The following TMEM132B variants were observed in gnomAD, a reference collection of about 807,000 sequenced individuals.
TMEM132B encodes transmembrane protein 132B.
TMEM132B carries 18 observed loss-of-function variants against 90.8 expected under a neutral mutation model. That is an observed-to-expected ratio of 0.20 (90% CI 0.14 to 0.29). The LOEUF is 0.29. TMEM132B is among the 10% of genes least tolerant of loss of function. The pLI, the probability that TMEM132B is intolerant of heterozygous loss-of-function variation, is 1.00. For missense variants in TMEM132B, 1,096 were observed against 1,326.8 expected (o/e 0.83, Z 2.70); for synonymous variants, 504 against 523.3 (o/e 0.96, Z 0.50).
At chr12:125,270,112 T>TGTGTGTG (rs1555235074) in intron 1 of TMEM132B, among the ~76,000 whole-genome samples, 7 of 143,250 alleles carry the variant, frequency 4.9e-5, no homozygotes, top group Admixed American at 2.8e-4. Context: ...CACATCTTTG[T>TGTGTGTG]TGTGTGTGTG....
At chr12:125,306,021 G>C (rs1307251871) in intron 1 of TMEM132B, among the ~76,000 whole-genome samples, 1 of 152,212 alleles carries the variant, frequency 6.6e-6, no homozygotes, top group Non-Finnish European at 1.5e-5. Flanking sequence ...TCATTTCTTA[G>C]AGTCTTGTGC....
At chr12:125,603,837 A>G (rs1885624847) in intron 5 of TMEM132B, among the ~76,000 whole-genome samples, 1 of 152,236 alleles carries the variant, frequency 6.6e-6, no homozygotes, top group Admixed American at 6.5e-5. Context: ...CAACAAATAT[A>G]TGAAGAAAAG....
chr12:125,491,118 G>A (rs1009281464), intron 3 of TMEM132B, among the ~76,000 whole-genome samples: 2 of 151,986 alleles, frequency 1.3e-5, no homozygotes, highest in Non-Finnish European at 2.9e-5. Context: ...AGAACCTCTC[G>A]GTTAAGCTGC....
In TMEM132B at chr12:125,633,838, C is replaced by T. The variant is rs115325402; in HGVS notation, c.1438-10238C>T. Among the ~76,000 whole-genome samples the T allele has an allele frequency of 3.2e-3, 485 of 152,356 alleles. 4 individuals are homozygous for T. Among genetic ancestry groups the T allele is most frequent in the African/African-American group, 0.011 (469 of 41,596 alleles). ...TGAGAGTGGAGTGACATAAGCACCC[C>T]TGTGGCCACTCCCACTATGACTGTG... On this transcript the variant is annotated intron_variant, in intron 5 of 8. Transcript: ENST00000682704.
At chr12:125,527,533 C>CAT in intron 4 of TMEM132B, among the ~76,000 whole-genome samples, 1 of 145,478 alleles carries the variant, frequency 6.9e-6, no homozygotes, top group African/African-American at 2.7e-5. Flanking sequence ...CCCATCCACC[C>CAT]TTCCAACCAC....
At chr12:125,441,173 C>A (rs1406560745) in intron 3 of TMEM132B, among the ~76,000 whole-genome samples, 1 of 152,142 alleles carries the variant, frequency 6.6e-6, no homozygotes, top group Non-Finnish European at 1.5e-5. Context: ...ATGTAAAGTG[C>A]TTGCAACATT....
At chr12:125,325,285 A>G (rs1876528931) in intron 1 of TMEM132B, among the ~76,000 whole-genome samples, 2 of 152,146 alleles carry the variant, frequency 1.3e-5, no homozygotes, top group Non-Finnish European at 2.9e-5. Flanking sequence ...TCAAAACAGG[A>G]GCGTTTGATG....
At chr12:125,249,449 C>G (rs1168632152) in intron 1 of TMEM132B, among the ~76,000 whole-genome samples, 1 of 152,176 alleles carries the variant, frequency 6.6e-6, no homozygotes, top group African/African-American at 2.4e-5. Flanking sequence ...GAGGAATTAT[C>G]TAGAAAGTTG....
chr12:125,571,789 G>T (rs1232860766), intron 4 of TMEM132B, among the ~76,000 whole-genome samples: 1 of 152,182 alleles, frequency 6.6e-6, no homozygotes, highest in African/African-American at 2.4e-5. Flanking sequence ...AAATAGGTTT[G>T]TGTAAATTTC....
chr12:125,464,803 C>T (rs1881523217), intron 3 of TMEM132B, among the ~76,000 whole-genome samples: 1 of 152,204 alleles, frequency 6.6e-6, no homozygotes, highest in Admixed American at 6.5e-5. Flanking sequence ...GAATTCAGTG[C>T]TCAAATTAGC....
chr12:125,499,770 T>G (rs1882648454), intron 3 of TMEM132B, among the ~76,000 whole-genome samples: 1 of 152,232 alleles, frequency 6.6e-6, no homozygotes, highest in Non-Finnish European at 1.5e-5. Flanking sequence ...TAACAAGCTT[T>G]TGCTGCAACT....
intron 3 of TMEM132B, among the ~76,000 whole-genome samples, chr12:125,446,568 T>G (rs1881010640): frequency 2.0e-5 from 3 of 152,310 alleles, no homozygotes; most frequent in Middle Eastern, 3.4e-3. Flanking sequence ...TTTTTTCTCA[T>G]TTGTATAGAT....
intron 5 of TMEM132B, among the ~76,000 whole-genome samples, chr12:125,601,680 C>T (rs920414011): frequency 5.9e-5 from 9 of 151,514 alleles, no homozygotes; most frequent in African/African-American, 1.5e-4. Context: ...TCCAGGAGCT[C>T]GATTTTTGAA....
chr12:125,517,522 A>G (rs67906662), intron 3 of TMEM132B, among the ~76,000 whole-genome samples: 3,754 of 151,922 alleles, frequency 0.025, 63 homozygotes, highest in Non-Finnish European at 0.038. Flanking sequence ...AACAACTTGT[A>G]CCAATGGATA....
chr12:125,256,359 C>A (rs1267706993), intron 1 of TMEM132B, among the ~76,000 whole-genome samples: 2 of 152,182 alleles, frequency 1.3e-5, no homozygotes, highest in Non-Finnish European at 2.9e-5. Context: ...GAGGGGTGGT[C>A]AGGGGAGCCG....
chr12:125,373,101 C>T (rs986280475), intron 2 of TMEM132B, among the ~76,000 whole-genome samples: 5 of 152,198 alleles, frequency 3.3e-5, no homozygotes, highest in Non-Finnish European at 7.3e-5. Context: ...TATTTGTTCA[C>T]TTATTTGTCA....
In TMEM132B at chr12:125,662,193, C is replaced by CA. The variant is rs1887219768; in HGVS notation, c.*7484dup. ...CCTGGTAAACACCAGATATTATAAA[C>CA]AGAGCATGCTGTTATGACATTGTGC... On this transcript the variant is annotated 3_prime_UTR_variant, in exon 9 of 9. Coordinates refer to ENST00000682704, the MANE Select transcript of TMEM132B (RefSeq NM_001366854.1). The CA allele has an allele frequency of 1.3e-5, 2 of 152,204 alleles. No homozygotes were observed. The highest frequency in any genetic ancestry group is 4.1e-4 in the South Asian group (2 of 4,832). The allele number at this position is 152,204 out of a possible 1,614,324, so 9.4% of individuals were successfully genotyped here.
intron 3 of TMEM132B, among the ~76,000 whole-genome samples, chr12:125,416,526 T>C (rs180732888): frequency 1.3e-5 from 2 of 152,346 alleles, no homozygotes; most frequent in African/African-American, 4.8e-5. Flanking sequence ...CCTGCAGCAT[T>C]AGGAATGGCG....
At chr12:125,638,124 AAC>A (rs1176977791) in intron 5 of TMEM132B, among the ~76,000 whole-genome samples, 3 of 152,212 alleles carry the variant, frequency 2.0e-5, no homozygotes, top group African/African-American at 7.2e-5. Context: ...CTGAAGCAGT[AAC>A]ACAGTGCTGA....
Sources: gnomAD v4.1 joint callset for allele counts (sites outside exome capture counted in the v4.1 genomes callset) on GRCh38, gnomAD v4.1.1 for gene constraint, MANE v1.5 for transcripts, NCBI Gene and HGNC (gene_info 2026-07-23, HGNC 2026-07-21) for gene names.